NELL1: variants seen among roughly 807,000 people sequenced by gnomAD.
NELL1 encodes neural EGFL like 1, also known as protein kinase C-binding protein NELL1.
In NELL1, 76 loss-of-function variants were observed where a neutral mutation model predicts 107.4. That is an observed-to-expected ratio of 0.71 (90% CI 0.59 to 0.86). The LOEUF (loss-of-function observed/expected upper bound fraction) is 0.86. Ranked by LOEUF, NELL1 falls within the 40% of genes least tolerant of loss-of-function variation. The pLI is 0.00. For missense variants in NELL1, 1,024 were observed against 1,005.5 expected (o/e 1.02, Z -0.25); for synonymous variants, 353 against 341.2 (o/e 1.03, Z -0.38).
chr11:21,349,357 C>T (rs191088876), intron 14 of NELL1, among the ~76,000 whole-genome samples: 1 of 152,144 alleles, frequency 6.6e-6, no homozygotes, highest in Admixed American at 6.5e-5. Context: ...AAACACCTGC[C>T]TGAGTCTATT....
At chr11:21,122,195 G>C (rs1435119568) in intron 13 of NELL1, among the ~76,000 whole-genome samples, 2 of 152,140 alleles carry the variant, frequency 1.3e-5, no homozygotes, top group African/African-American at 4.8e-5. Flanking sequence ...ATTAAGTACT[G>C]TGTTGCCCTT....
intron 14 of NELL1, among the ~76,000 whole-genome samples, chr11:21,235,612 T>A (rs2133891565): frequency 6.6e-6 from 1 of 152,264 alleles, no homozygotes; most frequent in Middle Eastern, 3.4e-3. Context: ...GAAATTTGAC[T>A]TTCGAATTTC....
intron 2 of NELL1, among the ~76,000 whole-genome samples, chr11:20,702,821 GTGTA>G (rs1422172857): frequency 2.0e-5 from 3 of 152,128 alleles, no homozygotes; most frequent in Non-Finnish European, 2.9e-5. Context: ...TTATTGATTT[GTGTA>G]TGTTGAAGCA....
At chr11:21,506,252 C>T (rs1398773561) in intron 15 of NELL1, among the ~76,000 whole-genome samples, 1 of 152,212 alleles carries the variant, frequency 6.6e-6, no homozygotes, top group Non-Finnish European at 1.5e-5. Context: ...TTAAGACAAC[C>T]GATCTTGGTG....
intron 2 of NELL1, among the ~76,000 whole-genome samples, chr11:20,743,347 T>C (rs1199941836): frequency 1.3e-5 from 2 of 151,822 alleles, no homozygotes; most frequent in African/African-American, 4.8e-5. Flanking sequence ...AGTGAGACTC[T>C]GTCTTAAAAA....
At chr11:21,136,583 A>G (rs1057050075) in intron 13 of NELL1, among the ~76,000 whole-genome samples, 2 of 152,188 alleles carry the variant, frequency 1.3e-5, no homozygotes, top group African/African-American at 2.4e-5. Flanking sequence ...TCCATAAGGT[A>G]CTTAATATTT....
chr11:21,543,964 C>T (rs75651161), intron 16 of NELL1, among the ~76,000 whole-genome samples: 5,086 of 152,014 alleles, frequency 0.033, 286 homozygotes, highest in African/African-American at 0.12. Flanking sequence ...CTCAGATGAG[C>T]AGTAGGGTCT....
At chr11:21,235,129 G>A (rs147900782) in intron 14 of NELL1, among the ~76,000 whole-genome samples, 1 of 152,104 alleles carries the variant, frequency 6.6e-6, no homozygotes, top group African/African-American at 2.4e-5. Flanking sequence ...ATTCAGGAAG[G>A]TGCCAATCTA....
At chr11:20,999,291 G>A (rs1852163125) in intron 12 of NELL1, among the ~76,000 whole-genome samples, 1 of 152,016 alleles carries the variant, frequency 6.6e-6, no homozygotes, top group African/African-American at 2.4e-5. Flanking sequence ...CTAAGATTTG[G>A]GACTCCATTA....
chr11:21,002,183 C>A lies in NELL1; in HGVS notation c.1300+41623C>A, dbSNP rs537577861. 6.3e-5 allele frequency among the ~76,000 whole-genome samples: 9 copies of A among 142,856 alleles called. No individual in the cohort carries two copies. The South Asian group carries it at 2.0e-3, about 32-fold the overall frequency. The allele number at this position is 142,856 out of a possible 152,430, so 93.7% of individuals were successfully genotyped here. A position where few individuals can be genotyped will look rare whatever the true frequency, so the allele number is the denominator to read the frequency against. The stretch of plus-strand genomic sequence containing the variant: ...GCAAACTGCCTCTCCATATATTTCA[C>A]AGCCATTTCAGCATCTCTACAGCTA... On this transcript the variant is annotated intron_variant, in intron 12 of 19. Coordinates refer to ENST00000357134, the MANE Select transcript of NELL1 (RefSeq NM_006157.5).
At chr11:21,304,856 A>C (rs1849574233) in intron 14 of NELL1, among the ~76,000 whole-genome samples, 1 of 151,994 alleles carries the variant, frequency 6.6e-6, no homozygotes, top group Admixed American at 6.6e-5. Flanking sequence ...AATATGATGC[A>C]CACTTTTTAA....
At chr11:21,005,378 G>A (rs1272608279) in intron 12 of NELL1, among the ~76,000 whole-genome samples, 2 of 152,152 alleles carry the variant, frequency 1.3e-5, no homozygotes, top group African/African-American at 4.8e-5. Context: ...GAGTGAATGT[G>A]GTTTTATCTC....
At chr11:21,288,894 G>A (rs150186582) in intron 14 of NELL1, among the ~76,000 whole-genome samples, 13 of 152,228 alleles carry the variant, frequency 8.5e-5, no homozygotes, top group Admixed American at 2.0e-4. Context: ...CCTGGTTGTC[G>A]TATGTGGTAT....
chr11:20,933,677 C>T (rs1312254008), intron 9 of NELL1, among the ~76,000 whole-genome samples: 1 of 152,028 alleles, frequency 6.6e-6, no homozygotes, highest in East Asian at 1.9e-4. Context: ...GTGCAGGGTA[C>T]AAATACCTAA....
intron 13 of NELL1, among the ~76,000 whole-genome samples, chr11:21,152,359 C>G (rs1298600212): frequency 2.0e-5 from 3 of 152,146 alleles, no homozygotes; most frequent in Non-Finnish European, 4.4e-5. Flanking sequence ...TTTTGCTTGA[C>G]ATTGATTAAA....
intron 12 of NELL1, among the ~76,000 whole-genome samples, chr11:20,962,915 T>C (rs1425168266): frequency 3.9e-5 from 6 of 152,152 alleles, no homozygotes; most frequent in Admixed American, 6.6e-5. Context: ...TGGCTAAACA[T>C]TGGACCCCTC....
intron 2 of NELL1, among the ~76,000 whole-genome samples, chr11:20,768,431 G>A (rs1233622442): frequency 2.0e-5 from 3 of 152,250 alleles, no homozygotes; most frequent in Admixed American, 6.5e-5. Flanking sequence ...TCAGGCCATG[G>A]CAAGGAGTTA....
intron 15 of NELL1, among the ~76,000 whole-genome samples, chr11:21,435,012 G>T (rs746092508): frequency 1.3e-5 from 2 of 152,026 alleles, no homozygotes; most frequent in Non-Finnish European, 2.9e-5. Flanking sequence ...ATACTACTAA[G>T]ATTTGTGGGT....
At chr11:21,571,687 T>G (rs533955389) in intron 18 of NELL1, among the ~76,000 whole-genome samples, 1 of 151,882 alleles carries the variant, frequency 6.6e-6, no homozygotes. Flanking sequence ...ATAATTAGAT[T>G]TGAGAAAGTC....
Sources: allele counts gnomAD v4.1 joint callset (sites outside exome capture counted in the v4.1 genomes callset), GRCh38; gene constraint gnomAD v4.1.1; transcripts MANE v1.5; gene names NCBI Gene and HGNC (gene_info 2026-07-23, HGNC 2026-07-21).